Variants in TBX10 observed in about 807,000 individuals in gnomAD.
The protein encoded by TBX10 is T-box transcription factor TBX10.
In TBX10, 26 loss-of-function variants were observed where a neutral mutation model predicts 32.4. The ratio of observed to expected loss-of-function variants is 0.80; its 90% CI spans 0.59 to 1.11. The LOEUF (loss-of-function observed/expected upper bound fraction) is 1.11. TBX10 is among the 50% of genes most tolerant of loss of function. TBX10 has a pLI of 0.00. For missense variants in TBX10, 490 were observed against 494.5 expected (o/e 0.99, Z 0.09); for synonymous variants, 195 against 203.1 (o/e 0.96, Z 0.34).
chr11:67,634,084 C>T, intron 4 of TBX10, 105 bp downstream of exon 4: 6 of 1,534,196 alleles, frequency 3.9e-6, no homozygotes, highest in East Asian at 2.3e-5. Flanking sequence ...CTGCCTTGAC[C>T]ATCAGCAGCA....
chr11:67,631,477 T>C lies in TBX10; in HGVS notation c.*128A>G. On this transcript the variant is annotated 3_prime_UTR_variant, in exon 8 of 8. Coordinates refer to ENST00000335385, the MANE Select transcript of TBX10 (RefSeq NM_005995.5). Reference sequence around the variant, plus strand: ...TGTGACCCTGGGCAGGTAGCCTCTTTCTCTAGACTTTCACCTACCCTGCTC... The same window carrying C: ...TGTGACCCTGGGCAGGTAGCCTCTTCCTCTAGACTTTCACCTACCCTGCTC... 1 of 1,278,574 alleles carries C rather than the reference T, an allele frequency of 7.8e-7. No homozygotes were observed. The highest frequency in any genetic ancestry group is 1.1e-6 in the Non-Finnish European group (1 of 923,680). 79.2% of individuals were successfully genotyped at this position (1,278,574 alleles called of 1,614,324 possible).
intron 1 of TBX10, among the ~76,000 whole-genome samples, chr11:67,637,834 G>A (rs574768939): frequency 6.6e-6 from 1 of 152,292 alleles, no homozygotes; most frequent in East Asian, 1.9e-4. Flanking sequence ...TTAGATGGCA[G>A]GAAAGTCTAT....
chr11:67,641,223 G>A (rs1855400401), upstream of TBX10, among the ~76,000 whole-genome samples: 1 of 151,576 alleles, frequency 6.6e-6, no homozygotes, highest in African/African-American at 2.4e-5. Flanking sequence ...GATTGTAGTG[G>A]CCCCTGATAC....
intron 1 of TBX10, among the ~76,000 whole-genome samples, chr11:67,638,240 T>C (rs754402476): frequency 7.1e-6 from 1 of 141,158 alleles, no homozygotes; most frequent in African/African-American, 2.6e-5. Context: ...TAAATAAATA[T>C]AAATAAATAA....
intron 1 of TBX10, among the ~76,000 whole-genome samples, chr11:67,635,774 C>T (rs1363988247): frequency 1.3e-5 from 2 of 152,080 alleles, no homozygotes; most frequent in African/African-American, 4.8e-5. Flanking sequence ...CCAAGAAGAG[C>T]CCCCCATTCA....
chr11:67,636,498 A>ATTAT (rs891283120), intron 1 of TBX10, among the ~76,000 whole-genome samples: 124 of 144,102 alleles, frequency 8.6e-4, no homozygotes, highest in African/African-American at 1.7e-3. Context: ...ATATGTATAT[A>ATTAT]TTATTTATTT....
Position 67,635,256 on chromosome 11 carries a change from T to G in TBX10, c.15A>C (p.Leu5=), listed in dbSNP as rs751568617. 1.2e-6 allele frequency: 2 copies of G among 1,613,314 alleles called. No individual in the cohort carries two copies. The highest frequency in any genetic ancestry group is 1.7e-6 in the Non-Finnish European group (2 of 1,179,978). ...GTGCAAGTATGCCGAGGCCAGCAGA[T>G]AGGAAGGCTGTGGAGAGAGGACGGA... MAAF[L]SAGLGILAPS... The change falls in exon 2 of 8, where the codon CTA becomes CTC. Residue 5 remains leucine (L), a synonymous_variant. Coordinates refer to ENST00000335385, the MANE Select transcript of TBX10 (RefSeq NM_005995.5).
intron 5 of TBX10, 81 bp from the exon 6 acceptor site, chr11:67,632,751 AGGCCCTGGCACCTGGGCCTCTT>A: frequency 6.3e-7 from 1 of 1,581,582 alleles, no homozygotes; most frequent in Non-Finnish European, 8.7e-7. Context: ...GGCAGTCAGG[AGGCCCTGGCACCTGGGCCTCTT>A]GGCCCAGGAA....
At position 67,635,187 on chromosome 11, in the gene TBX10, C is replaced by A. The variant is rs1042942511; in HGVS notation, c.84G>T (p.Glu28Asp). Residue 28 changes from glutamate to aspartate, a missense_variant, in exon 2 of 8, where the codon GAG becomes GAT. By Grantham distance (45) the Glu-to-Asp change is conservative. Transcript: ENST00000335385. ...YPLPTTSSGW[E>D]PRLGSPFPSG... ...ATGGGAATGGTGACCCCAGCCGGGG[C>A]TCCCAGCCAGAGCTGGTTGTAGGTA... is the stretch of plus-strand genomic sequence containing the variant. 3 of 1,613,736 alleles carry A rather than the reference C, an allele frequency of 1.9e-6. No homozygotes were observed. The African/African-American group carries it at 4.0e-5, about 22-fold the overall frequency.
chr11:67,638,583 CAG>C (rs1430214906), intron 1 of TBX10, among the ~76,000 whole-genome samples: 1 of 152,162 alleles, frequency 6.6e-6, no homozygotes, highest in Non-Finnish European at 1.5e-5. Context: ...GCTGAGGTAC[CAG>C]GTGGACGGCA....
intron 7 of TBX10, among the ~76,000 whole-genome samples, 164 bp downstream of exon 7, chr11:67,632,154 C>T (rs916300701): frequency 5.9e-5 from 9 of 152,230 alleles, no homozygotes; most frequent in Non-Finnish European, 8.8e-5. Flanking sequence ...TTGCCCTGAG[C>T]CCCATATTGT....
rs1855301028 is a variant in TBX10, at chr11:67,634,901, A to T, written c.292T>A (p.Phe98Ile). 6.2e-7 allele frequency: 1 copy of T among 1,613,088 alleles called. No individual in the cohort carries two copies. Among genetic ancestry groups the T allele is most frequent in the African/African-American group, 1.3e-5 (1 of 74,860 alleles). The part of the protein sequence containing the change: ...TKAGRRMFPP[F>I]QVKILGMDSL... The stretch of plus-strand genomic sequence containing the variant: ...TCCATGCCCAGGATCTTCACCTGGA[A>T]GGGGGGGAACATCCTCCTGCGGGAG... The change falls in exon 3 of 8, where the codon TTC becomes ATC. Residue 98 changes from phenylalanine to isoleucine, a missense_variant. Transcript: ENST00000335385.
At chr11:67,633,711 C>T (rs775711420) in intron 4 of TBX10, among the ~76,000 whole-genome samples, 19 of 152,248 alleles carry the variant, frequency 1.2e-4, no homozygotes, top group Non-Finnish European at 1.9e-4. Flanking sequence ...CAGCTCCCTG[C>T]GCCCCCTGAG....
rs139652539 is a variant in TBX10, at chr11:67,631,322, G to A, written c.*283C>T. 3.6e-3 allele frequency: 1,818 copies of A among 503,342 alleles called. 23 individuals are homozygous for A. The highest frequency in any genetic ancestry group is 0.031 in the African/African-American group (1,622 of 51,790). The allele number at this position is 503,342 out of a possible 1,614,324, so 31.2% of individuals were successfully genotyped here. ...GACCACTCATGCCAAATAGTTTAAT[G>A]TTAGGGGGAAGGGAGAGGTAAGGCA... is the stretch of plus-strand genomic sequence containing the variant. On this transcript the variant is annotated 3_prime_UTR_variant, in exon 8 of 8. Transcript: ENST00000335385.
Position 67,639,555 on chromosome 11 carries a change from A to T in TBX10, c.-83T>A. The T allele has an allele frequency of 1.9e-6, 3 of 1,576,508 alleles. No homozygotes were observed. The highest frequency in any genetic ancestry group is 2.6e-6 in the Non-Finnish European group (3 of 1,151,620). Reference sequence around the variant, plus strand: ...CTGCCTGCTGGAAGGGGTGGTCACCACTCGTCCACTCGGCACCTCAGCTCA... The same window carrying T: ...CTGCCTGCTGGAAGGGGTGGTCACCTCTCGTCCACTCGGCACCTCAGCTCA... On this transcript the variant is annotated 5_prime_UTR_variant, in exon 1 of 8. Coordinates refer to ENST00000335385, the MANE Select transcript of TBX10 (RefSeq NM_005995.5).
At chr11:67,633,612 GC>G in intron 4 of TBX10, among the ~76,000 whole-genome samples, 1 of 152,326 alleles carries the variant, frequency 6.6e-6, no homozygotes. Flanking sequence ...AATTCTGCCG[GC>G]CCAGGATTCT....
chr11:67,633,946 C>T (rs1855279754), intron 4 of TBX10, among the ~76,000 whole-genome samples: 1 of 152,184 alleles, frequency 6.6e-6, no homozygotes, highest in Non-Finnish European at 1.5e-5. Flanking sequence ...CCTTGTCCTC[C>T]CTCTCCTTGC....
upstream of TBX10, among the ~76,000 whole-genome samples, chr11:67,641,283 A>C (rs1012868558): frequency 5.3e-5 from 8 of 151,784 alleles, no homozygotes; most frequent in Non-Finnish European, 1.0e-4. Context: ...CCCCCCTCCC[A>C]CACACACACA....
At chr11:67,641,508 C>T (rs1855405733), upstream of TBX10, among the ~76,000 whole-genome samples, 1 of 152,244 alleles carries the variant, frequency 6.6e-6, no homozygotes, top group Non-Finnish European at 1.5e-5. Flanking sequence ...CCTGCCCCCT[C>T]ATCCATCTTG....
Sources: allele counts gnomAD v4.1 joint callset (sites outside exome capture counted in the v4.1 genomes callset), GRCh38; gene constraint gnomAD v4.1.1; transcripts MANE v1.5; gene names NCBI Gene and HGNC (gene_info 2026-07-23, HGNC 2026-07-21).